Variants in BMPR1B observed in about 807,000 individuals in gnomAD.
The protein encoded by BMPR1B is bone morphogenetic protein receptor type-1B.
In BMPR1B, 12 loss-of-function variants were observed where a neutral mutation model predicts 59.1. The observed-to-expected ratio is 0.20, with a 90% CI of 0.13 to 0.33. The LOEUF is 0.33. Among genes scored for constraint, BMPR1B ranks in the 10% least tolerant of loss-of-function variants. The probability of loss-of-function intolerance (pLI) is 1.00; values close to 1 mark genes in which losing one functional copy is unlikely to be tolerated. For synonymous variants in BMPR1B, 237 were observed against 207.3 expected (o/e 1.14, Z -1.23); for missense variants, 550 against 610.9 (o/e 0.90, Z 1.05).
At chr4:95,104,819 C>G (rs1731087835) in intron 4 of BMPR1B, among the ~76,000 whole-genome samples, 1 of 152,054 alleles carries the variant, frequency 6.6e-6, no homozygotes, top group Admixed American at 6.6e-5. Flanking sequence ...TCCCAGGCTC[C>G]TGGTAAAGGT....
chr4:95,139,700 G>T (rs574117352), intron 10 of BMPR1B, among the ~76,000 whole-genome samples: 48 of 151,616 alleles, frequency 3.2e-4, no homozygotes, highest in African/African-American at 1.1e-3. Flanking sequence ...CATGGGCGTG[G>T]GACCCTCCGA....
At chr4:95,067,547 GAGA>G (rs1727926352) in intron 3 of BMPR1B, among the ~76,000 whole-genome samples, 1 of 152,182 alleles carries the variant, frequency 6.6e-6, no homozygotes, top group Admixed American at 6.5e-5. Flanking sequence ...AAAGCACTAT[GAGA>G]AGAAGTTTGT....
intron 1 of BMPR1B, among the ~76,000 whole-genome samples, chr4:94,862,889 G>A (rs1204076106): frequency 6.7e-6 from 1 of 149,790 alleles, no homozygotes; most frequent in Non-Finnish European, 1.5e-5. Context: ...AGCTTGCAGT[G>A]AGCCGAGATC....
chr4:94,896,888 A>G (rs182019746), intron 2 of BMPR1B, among the ~76,000 whole-genome samples: 103 of 152,192 alleles, frequency 6.8e-4, no homozygotes, highest in African/African-American at 2.4e-3. Flanking sequence ...AAATGAATAG[A>G]GGGTACTGCT....
intron 2 of BMPR1B, among the ~76,000 whole-genome samples, chr4:94,983,511 G>C (rs552442063): frequency 6.6e-6 from 1 of 152,148 alleles, no homozygotes; most frequent in Non-Finnish European, 1.5e-5. Flanking sequence ...AAAAATTTGA[G>C]TAGAGACCTA....
chr4:94,894,120 A>C lies in BMPR1B; in HGVS notation c.-113+18220A>C, dbSNP rs1054422993. On this transcript the variant is annotated intron_variant, in intron 2 of 12. Transcript: ENST00000515059. ...AGTTACCCCATAGGAAGGATAGTGA[A>C]ATGAAATACTGTAAAAGCACAACCA... is the stretch of plus-strand genomic sequence containing the variant. Among the ~76,000 whole-genome samples, 8 of 152,188 alleles carry C rather than the reference A, an allele frequency of 5.3e-5. No homozygotes were observed. The East Asian group carries it at 9.7e-4, about 18-fold the overall frequency.
intron 1 of BMPR1B, among the ~76,000 whole-genome samples, chr4:94,794,175 C>T (rs951393368): frequency 5.1e-5 from 7 of 136,930 alleles, no homozygotes; most frequent in African/African-American, 2.0e-4. Flanking sequence ...GTCTTTAATC[C>T]ATCTTGAATT....
chr4:95,152,797 G>C, intron 12 of BMPR1B, 24 bp downstream of exon 12: 1 of 1,610,828 alleles, frequency 6.2e-7, no homozygotes, highest in South Asian at 1.1e-5. Context: ...TAACCATGTG[G>C]CTGTGACAGA....
At chr4:94,856,655 T>C (rs1209194054) in intron 1 of BMPR1B, among the ~76,000 whole-genome samples, 4 of 152,178 alleles carry the variant, frequency 2.6e-5, no homozygotes, top group East Asian at 3.8e-4. Flanking sequence ...ATTCTTGCTA[T>C]AGCATTGAAA....
intron 2 of BMPR1B, among the ~76,000 whole-genome samples, chr4:94,906,746 T>C (rs913936637): frequency 6.6e-6 from 1 of 152,166 alleles, no homozygotes; most frequent in African/African-American, 2.4e-5. Flanking sequence ...CAATCATATA[T>C]TTAGGGTAGT....
At chr4:94,789,748 T>G (rs1478300261) in intron 1 of BMPR1B, among the ~76,000 whole-genome samples, 1 of 152,156 alleles carries the variant, frequency 6.6e-6, no homozygotes, top group Non-Finnish European at 1.5e-5. Context: ...CACAATTTAC[T>G]TTTGCACTCA....
rs528915459 is a variant in BMPR1B, at chr4:94,975,371, T to TC, written c.-112-20669_-112-20668insC. Among the ~76,000 whole-genome samples the TC allele has an allele frequency of 2.2e-3, 317 of 145,446 alleles. 1 individual carries two copies. Among genetic ancestry groups the TC allele is most frequent in the Non-Finnish European group, 4.2e-3 (279 of 65,964 alleles). On this transcript the variant is annotated intron_variant, in intron 2 of 12. Transcript: ENST00000515059. Reference sequence around the variant, plus strand: ...AATTTCCTTTTGTTTTTGTTTTTTTTTTTTTTTTTTGAGACGGGGTCTCAT... The same window carrying TC: ...AATTTCCTTTTGTTTTTGTTTTTTTTCTTTTTTTTTTGAGACGGGGTCTCAT...
chr4:94,872,079 G>A (rs1015231397), intron 1 of BMPR1B, among the ~76,000 whole-genome samples: 1 of 152,112 alleles, frequency 6.6e-6, no homozygotes, highest in Admixed American at 6.6e-5. Flanking sequence ...AAGCTGTGGT[G>A]CTCTTGTGAG....
chr4:95,050,579 G>A (rs1020962829), intron 3 of BMPR1B, among the ~76,000 whole-genome samples: 4 of 152,116 alleles, frequency 2.6e-5, no homozygotes, highest in East Asian at 3.8e-4. Context: ...GGGCAAATGA[G>A]GGATGTCTTT....
intron 1 of BMPR1B, among the ~76,000 whole-genome samples, chr4:94,813,571 TGTC>T (rs1442272891): frequency 1.3e-5 from 2 of 152,154 alleles, no homozygotes; most frequent in Non-Finnish European, 2.9e-5. Context: ...TGCAGGCTGT[TGTC>T]AGGCTCGATC....
intron 3 of BMPR1B, among the ~76,000 whole-genome samples, chr4:95,059,021 T>C (rs1316210366): frequency 6.6e-6 from 1 of 152,212 alleles, no homozygotes; most frequent in Non-Finnish European, 1.5e-5. Context: ...AAAGTTAATG[T>C]TGTAAGAATG....
chr4:94,802,107 T>C (rs1723430764), intron 1 of BMPR1B, among the ~76,000 whole-genome samples: 1 of 152,144 alleles, frequency 6.6e-6, no homozygotes. Flanking sequence ...CAAGAAGTGT[T>C]TTGTATTTAG....
At chr4:94,774,518 A>G (rs1194768225) in intron 1 of BMPR1B, among the ~76,000 whole-genome samples, 1 of 138,454 alleles carries the variant, frequency 7.2e-6, no homozygotes, top group Non-Finnish European at 1.5e-5. Context: ...ATTAAAAATG[A>G]AAAAAAAATT....
At chr4:94,790,470 C>G (rs1190624142) in intron 1 of BMPR1B, among the ~76,000 whole-genome samples, 3 of 152,116 alleles carry the variant, frequency 2.0e-5, no homozygotes, top group African/African-American at 7.2e-5. Context: ...GTTAGGAGGT[C>G]TGTGATTTTT....
Sources: allele counts gnomAD v4.1 joint callset (sites outside exome capture counted in the v4.1 genomes callset), GRCh38; gene constraint gnomAD v4.1.1; transcripts MANE v1.5; gene names NCBI Gene and HGNC (gene_info 2026-07-23, HGNC 2026-07-21).